The following SAMD4A variants were observed in gnomAD, a reference collection of about 807,000 sequenced individuals.
SAMD4A encodes protein Smaug homolog 1.
Under a neutral mutation model 81.3 loss-of-function variants are expected in SAMD4A, and 33 were observed. That is an observed-to-expected ratio of 0.41 (90% CI 0.31 to 0.54). The LOEUF is 0.54. SAMD4A is among the 20% of genes least tolerant of loss of function. The probability of loss-of-function intolerance (pLI) is 0.37; values close to 1 mark genes in which losing one functional copy is unlikely to be tolerated. For synonymous variants in SAMD4A, 389 were observed against 382.1 expected (o/e 1.02, Z -0.21); for missense variants, 854 against 951.1 (o/e 0.90, Z 1.34).
chr14:54,768,950 T>C (rs1243768195), intron 8 of SAMD4A, among the ~76,000 whole-genome samples: 2 of 152,228 alleles, frequency 1.3e-5, no homozygotes, highest in African/African-American at 4.8e-5. Context: ...CTGTTTCCTT[T>C]ATGGGAACTA....
chr14:54,749,875 G>A (rs886322736), intron 5 of SAMD4A, among the ~76,000 whole-genome samples: 5 of 152,170 alleles, frequency 3.3e-5, no homozygotes, highest in African/African-American at 1.2e-4. Flanking sequence ...TGGTCTGGAC[G>A]CATACCTCCC....
chr14:54,659,609 T>G (rs969775527), intron 2 of SAMD4A, among the ~76,000 whole-genome samples: 1 of 152,208 alleles, frequency 6.6e-6, no homozygotes, highest in Non-Finnish European at 1.5e-5. Context: ...GTGGTTATTC[T>G]ACGTGATGCT....
At chr14:54,773,853 G>A (rs1045659595) in intron 9 of SAMD4A, among the ~76,000 whole-genome samples, 7 of 152,242 alleles carry the variant, frequency 4.6e-5, no homozygotes, top group African/African-American at 1.4e-4. Context: ...TGCATTCACT[G>A]TGCAGAAACT....
intron 6 of SAMD4A, among the ~76,000 whole-genome samples, chr14:54,753,817 G>A (rs893520891): frequency 1.3e-5 from 2 of 152,210 alleles, no homozygotes; most frequent in African/African-American, 4.8e-5. Flanking sequence ...GAGCTATCCA[G>A]TTGAACCTGA....
At chr14:54,700,394 A>G (rs950706649) in intron 2 of SAMD4A, among the ~76,000 whole-genome samples, 2 of 152,138 alleles carry the variant, frequency 1.3e-5, no homozygotes, top group African/African-American at 4.8e-5. Context: ...ATTATATACC[A>G]TGCCTCTTTT....
chr14:54,765,887 CCTTCCCCA>C (rs1001998807), intron 8 of SAMD4A, among the ~76,000 whole-genome samples: 3 of 152,160 alleles, frequency 2.0e-5, no homozygotes, highest in African/African-American at 7.2e-5. Context: ...CCCAGCTCCC[CCTTCCCCA>C]CTTCCCCAAA....
At chr14:54,733,416 T>C (rs2037609257) in intron 3 of SAMD4A, among the ~76,000 whole-genome samples, 1 of 152,230 alleles carries the variant, frequency 6.6e-6, no homozygotes, top group African/African-American at 2.4e-5. Flanking sequence ...TATACAATTA[T>C]TAAATGTTGG....
chr14:54,699,978 A>G (rs950531334), intron 2 of SAMD4A, among the ~76,000 whole-genome samples: 3 of 152,180 alleles, frequency 2.0e-5, no homozygotes, highest in African/African-American at 7.2e-5. Flanking sequence ...TGAGTCAAGC[A>G]TCTCTTCATA....
At chr14:54,587,482 A>C (rs2033654567) in intron 2 of SAMD4A, among the ~76,000 whole-genome samples, 1 of 152,078 alleles carries the variant, frequency 6.6e-6, no homozygotes, top group East Asian at 1.9e-4. Context: ...AAGTGGTGAA[A>C]GTGGGTATCC....
In SAMD4A at chr14:54,751,537, G is replaced by T; in HGVS notation, c.1176G>T (p.Arg392Ser). The change falls in exon 6 of 13, where the codon AGG becomes AGT. Residue 392 changes from arginine (R) to serine (S), a missense_variant and splice_region_variant. Physicochemically the swap from Arg to Ser is moderately radical, Grantham distance 110. Coordinates refer to ENST00000554335, the MANE Select transcript of SAMD4A (RefSeq NM_015589.6). ...ERQNLLKSLE[R>S]DIIEGGSLRI... The stretch of plus-strand genomic sequence containing the variant: ...AAAATCTCCTGAAGTCTTTGGAAAG[G>T]GTAAGTTATCGGATGAGGGAACATT... 6.3e-7 allele frequency: 1 copy of T among 1,584,162 alleles called. No homozygotes were observed. The highest frequency in any genetic ancestry group is 8.6e-7 in the Non-Finnish European group (1 of 1,156,108).
At chr14:54,568,733 AT>A (rs1566524853) in intron 2 of SAMD4A, among the ~76,000 whole-genome samples, 15 of 117,738 alleles carry the variant, frequency 1.3e-4, no homozygotes, top group South Asian at 2.8e-4. Flanking sequence ...ATATATATAT[AT>A]ATATATAATG....
At chr14:54,626,695 C>T (rs1055982184) in intron 2 of SAMD4A, among the ~76,000 whole-genome samples, 5 of 152,020 alleles carry the variant, frequency 3.3e-5, no homozygotes, top group Non-Finnish European at 5.9e-5. Flanking sequence ...ATAAGGAATT[C>T]CTATGGAGGC....
At chr14:54,765,392 G>A (rs1040951399) in intron 8 of SAMD4A, among the ~76,000 whole-genome samples, 2 of 151,796 alleles carry the variant, frequency 1.3e-5, no homozygotes, top group African/African-American at 2.4e-5. Flanking sequence ...GGAGGCCGAG[G>A]TGGGAGGATC....
chr14:54,568,737 ATAT>A (rs1566524888), intron 2 of SAMD4A, among the ~76,000 whole-genome samples: 11 of 101,194 alleles, frequency 1.1e-4, no homozygotes, highest in South Asian at 3.2e-4. Flanking sequence ...ATATATATAT[ATAT>A]AATGCGGTTA....
At chr14:54,745,340 T>A (rs2037941145) in intron 4 of SAMD4A, among the ~76,000 whole-genome samples, 1 of 152,192 alleles carries the variant, frequency 6.6e-6, no homozygotes, top group Non-Finnish European at 1.5e-5. Flanking sequence ...TCCACCCATG[T>A]GTCTGCTCTA....
chr14:54,617,182 A>G (rs2034510206), intron 2 of SAMD4A, among the ~76,000 whole-genome samples: 1 of 152,210 alleles, frequency 6.6e-6, no homozygotes, highest in Admixed American at 6.5e-5. Context: ...GGGAAGATGG[A>G]AGGCTCATTC....
chr14:54,669,008 G>C (rs561900778), intron 2 of SAMD4A, among the ~76,000 whole-genome samples: 22 of 152,370 alleles, frequency 1.4e-4, no homozygotes, highest in Admixed American at 3.9e-4. Context: ...CGAGGCCATA[G>C]AGCAGAGGAC....
At chr14:54,741,643 A>G (rs1389708369) in intron 4 of SAMD4A, among the ~76,000 whole-genome samples, 2 of 152,232 alleles carry the variant, frequency 1.3e-5, no homozygotes, top group Admixed American at 6.5e-5. Flanking sequence ...CTATGAAAAT[A>G]TGCTGTCTTA....
At chr14:54,714,883 A>G (rs1055512291) in intron 3 of SAMD4A, among the ~76,000 whole-genome samples, 1 of 152,158 alleles carries the variant, frequency 6.6e-6, no homozygotes, top group African/African-American at 2.4e-5. Flanking sequence ...AATCAGTTCT[A>G]CAAAGAGCCA....
Sources: gnomAD v4.1 joint callset for allele counts (sites outside exome capture counted in the v4.1 genomes callset) on GRCh38, gnomAD v4.1.1 for gene constraint, MANE v1.5 for transcripts, NCBI Gene and HGNC (gene_info 2026-07-23, HGNC 2026-07-21) for gene names.